The following ALG9 variants were observed in gnomAD, a reference collection of about 807,000 sequenced individuals.
ALG9 encodes ALG9 alpha-1,2-mannosyltransferase, also known as alpha-1,2-mannosyltransferase ALG9.
Under a neutral mutation model 81.8 loss-of-function variants are expected in ALG9, and 55 were observed. That is an observed-to-expected ratio of 0.67 (90% CI 0.54 to 0.84). The LOEUF is 0.84. Among genes scored for constraint, ALG9 ranks in the 40% least tolerant of loss-of-function variants. The pLI, the probability that ALG9 is intolerant of heterozygous loss-of-function variation, is 0.00. For synonymous variants in ALG9, 278 were observed against 274.3 expected (o/e 1.01, Z -0.13); for missense variants, 629 against 745.0 (o/e 0.84, Z 1.81).
chr11:111,790,455 C>T (rs1252180243), intron 14 of ALG9, among the ~76,000 whole-genome samples: 1 of 152,070 alleles, frequency 6.6e-6, no homozygotes, highest in Non-Finnish European at 1.5e-5. Context: ...CACAGCAAAA[C>T]CGCATTTCTG....
In ALG9 at chr11:111,857,658, A is replaced by G; in HGVS notation, c.645T>C (p.Ala215=). 1.2e-6 allele frequency: 2 copies of G among 1,614,236 alleles called. No homozygotes were observed. The highest frequency in any genetic ancestry group is 1.7e-6 in the Non-Finnish European group (2 of 1,180,038). ...TGWYMDKTSI[A]VLGVAAGAIL... is the part of the protein sequence containing the mutation. ...TAGCCCCAGCTGCTACTCCCAGCAC[A>G]GCAATGGAAGTCTTGTCCATATACC... Residue 215 remains alanine, a synonymous_variant, in exon 6 of 15, where the codon GCT becomes GCC. Coordinates refer to ENST00000616540, the MANE Select transcript of ALG9 (RefSeq NM_024740.2).
intron 13 of ALG9, among the ~76,000 whole-genome samples, chr11:111,812,737 T>C (rs1950906533): frequency 6.6e-6 from 1 of 151,544 alleles, no homozygotes; most frequent in Admixed American, 6.6e-5. Context: ...GCCAACATGG[T>C]GAAACCCCGT....
intron 14 of ALG9, among the ~76,000 whole-genome samples, chr11:111,804,899 C>T (rs903572180): frequency 2.0e-5 from 3 of 152,218 alleles, no homozygotes; most frequent in Non-Finnish European, 4.4e-5. Context: ...GACAATCTGG[C>T]AGCTTTTTGC....
intron 8 of ALG9, among the ~76,000 whole-genome samples, chr11:111,852,337 TCCC>T (rs1337609987): frequency 6.6e-6 from 1 of 152,098 alleles, no homozygotes; most frequent in African/African-American, 2.4e-5. Context: ...CTCTAGCTCA[TCCC>T]CCCATTACTG....
chr11:111,835,562 T>C lies in ALG9; in HGVS notation c.1602+603A>G, dbSNP rs544014446. Among the ~76,000 whole-genome samples the C allele has an allele frequency of 1.6e-4, 25 of 152,342 alleles. No homozygotes were observed. The East Asian group carries it at 4.6e-3, about 28-fold the overall frequency. ...GAAAGTTCCTCATTAAGGATTTTAA[T>C]AGGCCAAGGAATGATATGAGTTTCA... On this transcript the variant is annotated intron_variant, in intron 13 of 14. Transcript: ENST00000616540.
intron 3 of ALG9, among the ~76,000 whole-genome samples, chr11:111,865,842 T>C (rs1002586423): frequency 9.9e-5 from 15 of 152,026 alleles, no homozygotes; most frequent in African/African-American, 3.6e-4. Flanking sequence ...TTTCCTCCTA[T>C]CTTCCAAAGT....
intron 1 of ALG9, 114 bp from the exon 2 acceptor site, chr11:111,870,484 T>G (rs1963985696): frequency 7.6e-7 from 1 of 1,316,852 alleles, no homozygotes; most frequent in Admixed American, 3.4e-5. Flanking sequence ...ATCAAAGCAC[T>G]TAAGTTATTC....
intron 4 of ALG9, chr11:111,864,335 G>A (rs1217907291): frequency 8.8e-6 from 7 of 795,480 alleles, no homozygotes; most frequent in South Asian, 4.1e-5. Flanking sequence ...CTGCATAAAA[G>A]TTTCCCAGGC....
At chr11:111,807,257 C>A (rs1202888801) in intron 14 of ALG9, among the ~76,000 whole-genome samples, 1 of 152,154 alleles carries the variant, frequency 6.6e-6, no homozygotes, top group African/African-American at 2.4e-5. Context: ...ATAACCTGCA[C>A]TCTCACCCCT....
At chr11:111,770,933 A>G in the ALG9 span, 1 of 152,270 alleles carries the variant, frequency 6.6e-6, no homozygotes, top group Admixed American at 6.5e-5. Flanking sequence ...CCCTCAGGTA[A>G]CAAGGTGACA....
At chr11:111,838,448 C>T in intron 10 of ALG9, 49 bp from the exon 11 acceptor site, 6 of 1,522,356 alleles carry the variant, frequency 3.9e-6, no homozygotes, top group Non-Finnish European at 5.4e-6. Flanking sequence ...TACAAGACAT[C>T]ACAGTAACAT....
Position 111,850,706 on chromosome 11 carries a change from CAAAA to C in ALG9, c.895+2670_895+2673del, listed in dbSNP as rs782114013. ...CGGGTGACAGAGCGAGATACTGTCTCAAAAAAAAAAAAAAAAAATCAGACAAAAA... is the reference window on the plus strand; with the variant it reads ...CGGGTGACAGAGCGAGATACTGTCTCAAAAAAAAAAAAAATCAGACAAAAA... On this transcript the variant is annotated intron_variant, in intron 8 of 14. Transcript: ENST00000616540. Among the ~76,000 whole-genome samples the C allele has an allele frequency of 3.7e-4, 25 of 66,684 alleles. 1 individual carries two copies. The South Asian group carries it at 0.015, about 39-fold the overall frequency. 43.7% of individuals were successfully genotyped at this position (66,684 alleles called of 152,430 possible).
intron 10 of ALG9, among the ~76,000 whole-genome samples, chr11:111,839,604 G>T (rs1167985213): frequency 1.9e-4 from 25 of 134,902 alleles, no homozygotes; most frequent in African/African-American, 5.9e-4. Flanking sequence ...AAAAAAAAGG[G>T]GGGGGGGGAT....
At chr11:111,857,771 G>A (rs782052613) in intron 5 of ALG9, 34 bp from the exon 6 acceptor site, 1 of 1,613,016 alleles carries the variant, frequency 6.2e-7, no homozygotes. Context: ...AAGGCAGGAG[G>A]ACAAGAGCTC....
rs547267485 is a variant in ALG9, at chr11:111,837,751, GA to G, written c.1325-137del. 3,130 of 983,640 alleles carry G rather than the reference GA, an allele frequency of 3.2e-3. 5 individuals carry two copies. Among genetic ancestry groups the G allele is most frequent in the Non-Finnish European group, 4.5e-3 (2,913 of 642,190 alleles). 60.9% of individuals were successfully genotyped at this position (983,640 alleles called of 1,614,324 possible). A position where few individuals can be genotyped will look rare whatever the true frequency, so the allele number is the denominator to read the frequency against. On this transcript the variant is annotated intron_variant, in intron 11 of 14. Transcript: ENST00000616540. ...GGAAGGGCCATAGCCATTCCAGCATGAAGCCTGCTCTGCAGGTATAAAATGT... is the reference window on the plus strand; with the variant it reads ...GGAAGGGCCATAGCCATTCCAGCATGAGCCTGCTCTGCAGGTATAAAATGT...
chr11:111,788,713 A>G, intron 14 of ALG9: 1 of 326,190 alleles, frequency 3.1e-6, no homozygotes, highest in Non-Finnish European at 5.9e-6. Flanking sequence ...TGATCATGCC[A>G]CTACACTCCA....
At chr11:111,809,989 G>C (rs1555089714) in intron 13 of ALG9, among the ~76,000 whole-genome samples, 1 of 152,124 alleles carries the variant, frequency 6.6e-6, no homozygotes, top group Non-Finnish European at 1.5e-5. Context: ...GCTTTGGCTG[G>C]TCTGATTCTA....
At chr11:111,779,381 G>C (rs1852488400), downstream of ALG9, among the ~76,000 whole-genome samples, 1 of 152,102 alleles carries the variant, frequency 6.6e-6, no homozygotes, top group Non-Finnish European at 1.5e-5. Context: ...GAGTATGCCT[G>C]AAATCCATGG....
intron 14 of ALG9, among the ~76,000 whole-genome samples, chr11:111,792,064 C>T (rs1555070929): frequency 6.6e-6 from 1 of 152,198 alleles, no homozygotes; most frequent in Non-Finnish European, 1.5e-5. Flanking sequence ...GCCTGGGTGA[C>T]AGGGCGAGAC....
Sources: gnomAD v4.1 joint callset for allele counts (sites outside exome capture counted in the v4.1 genomes callset) on GRCh38, gnomAD v4.1.1 for gene constraint, MANE v1.5 for transcripts, NCBI Gene and HGNC (gene_info 2026-07-23, HGNC 2026-07-21) for gene names.